The following GLI3 variants were observed in gnomAD, a reference collection of about 807,000 sequenced individuals.
GLI3 encodes the protein transcription activator GLI3.
Under a neutral mutation model 100.8 loss-of-function variants are expected in GLI3, and 20 were observed. The ratio of observed to expected loss-of-function variants is 0.20; its 90% CI spans 0.14 to 0.29. GLI3 has a LOEUF of 0.29. Ranked by LOEUF, GLI3 falls within the 10% of genes least tolerant of loss-of-function variation. GLI3 has a pLI of 1.00. For synonymous variants in GLI3, 938 were observed against 860.5 expected (o/e 1.09, Z -1.58); for missense variants, 2,040 against 2,128.5 (o/e 0.96, Z 0.82).
chr7:42,230,254 T>C (rs1788672661), intron 1 of GLI3, among the ~76,000 whole-genome samples: 1 of 152,220 alleles, frequency 6.6e-6, no homozygotes, highest in Non-Finnish European at 1.5e-5. Flanking sequence ...ATAGGAAAGC[T>C]TCTATCTGTC....
intron 2 of GLI3, among the ~76,000 whole-genome samples, chr7:42,203,683 GC>G (rs1328961298): frequency 6.6e-6 from 1 of 152,144 alleles, no homozygotes; most frequent in Non-Finnish European, 1.5e-5. Context: ...AATGAACATG[GC>G]ACTGCAGATA....
chr7:42,258,886 A>G (rs1789112499), intron 1 of GLI3, among the ~76,000 whole-genome samples: 1 of 152,338 alleles, frequency 6.6e-6, no homozygotes, highest in South Asian at 2.1e-4. Flanking sequence ...CTTTTGGCCC[A>G]TAGCATTATC....
At chr7:42,218,854 G>A (rs991958345) in intron 2 of GLI3, among the ~76,000 whole-genome samples, 4 of 152,086 alleles carry the variant, frequency 2.6e-5, no homozygotes, top group Non-Finnish European at 5.9e-5. Flanking sequence ...CTTTTTTAAA[G>A]CCGAGTTGCA....
At chr7:41,970,296 A>G (rs976058098) in intron 13 of GLI3, among the ~76,000 whole-genome samples, 1 of 152,180 alleles carries the variant, frequency 6.6e-6, no homozygotes, top group Admixed American at 6.5e-5. Flanking sequence ...TTTTTTAAAG[A>G]AAACTAGAAA....
chr7:42,158,691 A>T (rs1405630650), intron 2 of GLI3, among the ~76,000 whole-genome samples: 1 of 152,012 alleles, frequency 6.6e-6, no homozygotes, highest in Non-Finnish European at 1.5e-5. Flanking sequence ...GGATTTCACA[A>T]TGTTGGCCAG....
chr7:42,161,693 C>T (rs1787133715), intron 2 of GLI3, among the ~76,000 whole-genome samples: 2 of 152,170 alleles, frequency 1.3e-5, no homozygotes, highest in African/African-American at 4.8e-5. Flanking sequence ...AAATCAGTCT[C>T]CTATGATTCT....
intron 2 of GLI3, among the ~76,000 whole-genome samples, chr7:42,203,738 C>G (rs2128694012): frequency 6.6e-6 from 1 of 152,244 alleles, no homozygotes; most frequent in South Asian, 2.1e-4. Context: ...GTGGCTCATG[C>G]CTGTAATCCC....
intron 4 of GLI3, among the ~76,000 whole-genome samples, chr7:42,049,693 A>G (rs1447696885): frequency 3.9e-5 from 6 of 152,208 alleles, no homozygotes; most frequent in Admixed American, 1.3e-4. Context: ...ACACCCTGAG[A>G]CAGCCACTTC....
intron 11 of GLI3, among the ~76,000 whole-genome samples, chr7:41,978,159 G>A (rs1022990346): frequency 6.6e-6 from 1 of 152,246 alleles, no homozygotes; most frequent in Non-Finnish European, 1.5e-5. Flanking sequence ...GCACCTCAGT[G>A]AAGAATGCAC....
intron 4 of GLI3, among the ~76,000 whole-genome samples, chr7:42,055,148 T>G (rs569375244): frequency 6.6e-6 from 1 of 151,364 alleles, no homozygotes; most frequent in African/African-American, 2.4e-5. Flanking sequence ...TTTCTTCCTT[T>G]CCATACACTA....
rs1456019980 is a variant in GLI3 at position 42,148,483 on chromosome 7, A to G, written c.125-15T>C. On this transcript the variant is annotated splice_polypyrimidine_tract_variant and intron_variant, in intron 2 of 14. Transcript: ENST00000395925. ...ACTTTCATCCTCTAAAGAAAGAAGA[A>G]AAATGAAAGACTCTGTAAACTACTT... 6.2e-7 allele frequency: 1 copy of G among 1,611,478 alleles called. No homozygotes were observed. Among genetic ancestry groups the G allele is most frequent in the Non-Finnish European group, 8.5e-7 (1 of 1,177,670 alleles).
chr7:42,089,616 C>G lies in GLI3; in HGVS notation c.368-12759G>C, dbSNP rs143535837. Reference sequence around the variant, plus strand: ...ATGCTGCAACCCTTGGCTGGGTACACCCTTCCCATGGGAATTTATCTGCTC... The same window carrying G: ...ATGCTGCAACCCTTGGCTGGGTACAGCCTTCCCATGGGAATTTATCTGCTC... On this transcript the variant is annotated intron_variant, in intron 3 of 14. Coordinates refer to ENST00000395925, the MANE Select transcript of GLI3 (RefSeq NM_000168.6). Among the ~76,000 whole-genome samples, 177 of 152,344 alleles carry G rather than the reference C, an allele frequency of 1.2e-3. 1 individual carries two copies. Among genetic ancestry groups the G allele is most frequent in the African/African-American group, 4.0e-3 (168 of 41,584 alleles).
intron 4 of GLI3, among the ~76,000 whole-genome samples, chr7:42,074,291 G>A (rs1784836972): frequency 6.6e-6 from 1 of 152,300 alleles, no homozygotes; most frequent in East Asian, 1.9e-4. Flanking sequence ...AGAGTGCACA[G>A]CACAAGTGAG....
At chr7:42,014,874 G>C (rs1235088407) in intron 10 of GLI3, among the ~76,000 whole-genome samples, 1 of 152,192 alleles carries the variant, frequency 6.6e-6, no homozygotes, top group Admixed American at 6.5e-5. Context: ...AAGATGAACA[G>C]CAGCCTGCAT....
At chr7:42,017,307 G>T (rs757529971) in intron 10 of GLI3, among the ~76,000 whole-genome samples, 17 of 152,176 alleles carry the variant, frequency 1.1e-4, no homozygotes, top group Non-Finnish European at 1.9e-4. Context: ...CAGCTAAAAA[G>T]CTTTCAATAG....
chr7:42,008,739 G>GT (rs1788528709), intron 10 of GLI3, among the ~76,000 whole-genome samples: 1 of 152,204 alleles, frequency 6.6e-6, no homozygotes, highest in Non-Finnish European at 1.5e-5. Flanking sequence ...TACTTTGAGT[G>GT]TAATTCTAAT....
At chr7:42,185,697 T>C (rs546207873) in intron 2 of GLI3, among the ~76,000 whole-genome samples, 60 of 152,378 alleles carry the variant, frequency 3.9e-4, no homozygotes, top group African/African-American at 1.4e-3. Context: ...CATTGTCTTC[T>C]TGAACAACCA....
intron 2 of GLI3, among the ~76,000 whole-genome samples, chr7:42,168,523 G>T (rs972246434): frequency 6.6e-6 from 1 of 152,044 alleles, no homozygotes; most frequent in Non-Finnish European, 1.5e-5. Context: ...ACACCAAGGG[G>T]GATGAACATG....
chr7:42,225,217 G>C (rs1788560055), intron 1 of GLI3, among the ~76,000 whole-genome samples: 1 of 152,188 alleles, frequency 6.6e-6, no homozygotes, highest in Non-Finnish European at 1.5e-5. Flanking sequence ...ATTTGTATCA[G>C]TGTTTCTACA....
Sources: gnomAD v4.1 joint callset for allele counts (sites outside exome capture counted in the v4.1 genomes callset) on GRCh38, gnomAD v4.1.1 for gene constraint, MANE v1.5 for transcripts, NCBI Gene and HGNC (gene_info 2026-07-23, HGNC 2026-07-21) for gene names.